ACOT11: variants seen among roughly 807,000 people sequenced by gnomAD.
ACOT11 encodes acyl-CoA thioesterase 11, also known as acyl-coenzyme A thioesterase 11.
In ACOT11, 69 loss-of-function variants were observed where a neutral mutation model predicts 77.5. The ratio of observed to expected loss-of-function variants is 0.89; its 90% confidence interval spans 0.73 to 1.09. The LOEUF is 1.09. Among genes scored for constraint, ACOT11 ranks in the 50% least tolerant of loss-of-function variants. The pLI is 0.00. For missense variants in ACOT11, 766 were observed against 813.7 expected (o/e 0.94, Z 0.71); for synonymous variants, 279 against 313.0 (o/e 0.89, Z 1.15).
At chr1:54,579,638 G>A (rs114205182) in intron 1 of ACOT11, among the ~76,000 whole-genome samples, 1,695 of 152,300 alleles carry the variant, frequency 0.011, 25 homozygotes, top group Non-Finnish European at 0.017. Flanking sequence ...CAGACAATGG[G>A]GCCTTTCATG....
downstream of ACOT11, chr1:54,612,751 C>A: frequency 6.7e-7 from 1 of 1,489,330 alleles, no homozygotes; most frequent in African/African-American, 1.4e-5. Context: ...GGAGCTGCAG[C>A]GGCCCCTTCC....
At chr1:54,614,840 C>T (rs780188651), downstream of ACOT11, 15 of 1,613,762 alleles carry the variant, frequency 9.3e-6, no homozygotes, top group South Asian at 8.8e-5. Context: ...CCTTGATGTT[C>T]TTGAAGTCCA....
At chr1:54,619,886 T>A in intron 15 of ACOT11, 5 of 1,614,146 alleles carry the variant, frequency 3.1e-6, no homozygotes, top group Non-Finnish European at 3.4e-6. Flanking sequence ...CTGTCATGGC[T>A]TTCTTGCTGT....
At chr1:54,614,851 G>A (rs79099402), downstream of ACOT11, 570 of 1,613,704 alleles carry the variant, frequency 3.5e-4, 6 homozygotes, top group East Asian at 0.012. Context: ...TTGAAGTCCA[G>A]TTTGATGCCT....
At position 54,584,963 on chromosome 1, in the gene ACOT11, T is replaced by C; in HGVS notation, c.241+101T>C. 2 of 1,278,664 alleles carry C rather than the reference T, an allele frequency of 1.6e-6. No homozygotes were observed. Among genetic ancestry groups the C allele is most frequent in the Non-Finnish European group, 2.1e-6 (2 of 932,630 alleles). 79.2% of individuals were successfully genotyped at this position (1,278,664 alleles called of 1,614,324 possible). A position where few individuals can be genotyped will look rare whatever the true frequency, so the allele number is the denominator to read the frequency against. The stretch of plus-strand genomic sequence containing the variant: ...CCGTCCACCCTAAGTGCCACACTTG[T>C]TTCTCATCTTGGCCTTTGCTCATGC... On this transcript the variant is annotated intron_variant, in intron 2 of 15. Coordinates refer to ENST00000343744, the MANE Select transcript of ACOT11 (RefSeq NM_147161.4). This position sits in a 1 kb window ranked among gnomAD's most constrained non-coding sequence, Gnocchi z 6.3.
chr1:54,631,017 G>A (rs1644296850), intron 16 of ACOT11: 2 of 440,622 alleles, frequency 4.5e-6, no homozygotes, highest in African/African-American at 2.0e-5. Flanking sequence ...TAACAGAAGA[G>A]GTTACAGAGC....
At position 54,584,913 on chromosome 1, in the gene ACOT11, G is replaced by C; in HGVS notation, c.241+51G>C. ...CTACCTGCCCCACAGGCCCAGAGCAGGGGCCGTGCTTTCAGAGATGGTCAC... is the reference window on the plus strand; with the variant it reads ...CTACCTGCCCCACAGGCCCAGAGCACGGGCCGTGCTTTCAGAGATGGTCAC... On this transcript the variant is annotated intron_variant, in intron 2 of 15. Coordinates refer to ENST00000343744, the MANE Select transcript of ACOT11 (RefSeq NM_147161.4). This position sits in a 1 kb window ranked among gnomAD's most constrained non-coding sequence, Gnocchi z 6.3. 6.5e-7 allele frequency: 1 copy of C among 1,545,718 alleles called. No individual in the cohort carries two copies.
intron 13 of ACOT11, 121 bp downstream of exon 13, chr1:54,605,330 G>C: frequency 4.9e-6 from 7 of 1,430,834 alleles, no homozygotes; most frequent in Non-Finnish European, 6.5e-6. Flanking sequence ...GGGTGGGTTG[G>C]AGTTCCATGC....
In ACOT11 at chr1:54,629,214, T is replaced by C. The variant is rs1436671782; in HGVS notation, c.1630-1520T>C. 3.0e-5 allele frequency among the ~76,000 whole-genome samples: 4 copies of C among 134,416 alleles called. 2 individuals are homozygous for C. Among genetic ancestry groups the C allele is most frequent in the Middle Eastern group, 8.4e-3 (2 of 238 alleles). 88.2% of individuals were successfully genotyped at this position (134,416 alleles called of 152,430 possible). A position where few individuals can be genotyped will look rare whatever the true frequency, so the allele number is the denominator to read the frequency against. On this transcript the variant is annotated intron_variant, in intron 15 of 16. Coordinates refer to the ACOT11 transcript ENST00000371316. ...CATGGGTGAAAACCAAGAGATGATG[T>C]AAACAGCAGAATCAGACCCACAAAG... is the stretch of plus-strand genomic sequence containing the variant.
Position 54,609,511 on chromosome 1 carries a change from C to T in ACOT11, c.*399C>T, listed in dbSNP as rs1644085244. On this transcript the variant is annotated 3_prime_UTR_variant, in exon 16 of 16. Coordinates refer to ENST00000343744, the MANE Select transcript of ACOT11 (RefSeq NM_147161.4). ...CCTGCATCTGGAAGGACACAGGTTG[C>T]CAGAGCCCCTGGCACAACTCTAGCA... The T allele has an allele frequency of 1.2e-6, 2 of 1,612,930 alleles. No individual in the cohort carries two copies. The highest frequency in any genetic ancestry group is 1.7e-5 in the Admixed American group (1 of 60,004).
At chr1:54,565,012 G>A (rs1653687018) in intron 1 of ACOT11, among the ~76,000 whole-genome samples, 1 of 152,178 alleles carries the variant, frequency 6.6e-6, no homozygotes, top group Non-Finnish European at 1.5e-5. Context: ...CCTTTCTGAA[G>A]AGAGTCCAAG....
intron 15 of ACOT11, chr1:54,623,673 G>A: frequency 3.1e-6 from 1 of 320,720 alleles, no homozygotes; most frequent in Non-Finnish European, 5.8e-6. Context: ...ACAGTAAGAG[G>A]CAGCAGAGAA....
At position 54,601,151 on chromosome 1, in the gene ACOT11, G is replaced by GTGCA; in HGVS notation, c.885-111_885-108dup. 3 of 1,171,920 alleles carry GTGCA rather than the reference G, an allele frequency of 2.6e-6. No individual in the cohort carries two copies. In the East Asian group the frequency reaches 7.2e-5, roughly 28 times the overall value. The allele number at this position is 1,171,920 out of a possible 1,614,324, so 72.6% of individuals were successfully genotyped here. A position where few individuals can be genotyped will look rare whatever the true frequency, so the allele number is the denominator to read the frequency against. ...TATGTGTGTGCATACGTGTGTGTGTGTGCATGCATGTGTGTGGGCGCATGT... is the reference window on the plus strand; with the variant it reads ...TATGTGTGTGCATACGTGTGTGTGTGTGCATGCATGCATGTGTGTGGGCGCATGT... On this transcript the variant is annotated intron_variant, in intron 8 of 15. Transcript: ENST00000343744.
intron 1 of ACOT11, among the ~76,000 whole-genome samples, chr1:54,549,799 G>C (rs964126939): frequency 2.0e-5 from 3 of 152,244 alleles, no homozygotes; most frequent in Non-Finnish European, 2.9e-5. Flanking sequence ...CTGAGTAGCA[G>C]GGCCGCTTGC....
rs769433160 is a variant in ACOT11 at position 54,608,045 on chromosome 1, C to T, written c.1606C>T (p.Arg536Cys). Residue 536 changes from arginine to cysteine, a missense_variant, in exon 15 of 16, where the codon CGC (arginine) becomes TGC (cysteine). Arg to Cys is a radical substitution (Grantham distance 180). Coordinates refer to ENST00000343744, the MANE Select transcript of ACOT11 (RefSeq NM_147161.4). ...CCTCTGCTCAGGCTTCTGCCTCTGG[C>T]GCGAGGGGGACCAGCTGACCAAGGT... is the stretch of plus-strand genomic sequence containing the variant. ...ETLCSGFCLW[R>C]EGDQLTKVSY... 6.8e-6 allele frequency: 11 copies of T among 1,612,178 alleles called. No homozygotes were observed. Among genetic ancestry groups the T allele is most frequent in the Non-Finnish European group, 9.3e-6 (11 of 1,179,370 alleles).
intron 1 of ACOT11, among the ~76,000 whole-genome samples, chr1:54,550,939 A>G (rs1653042415): frequency 6.6e-6 from 1 of 151,934 alleles, no homozygotes; most frequent in South Asian, 2.1e-4. Context: ...CAGGAGTTCG[A>G]GACCAGCTCG....
At chr1:54,626,998 A>C (rs1387733632) in intron 15 of ACOT11, among the ~76,000 whole-genome samples, 1 of 134,226 alleles carries the variant, frequency 7.5e-6, no homozygotes, top group Non-Finnish European at 1.7e-5. Flanking sequence ...CTGGGATTAC[A>C]GGTGCGCACC....
rs78584068 is a variant in ACOT11 at position 54,623,995 on chromosome 1, A to T, written c.1630-6739A>T. On this transcript the variant is annotated intron_variant, in intron 15 of 16. Coordinates refer to the ACOT11 transcript ENST00000371316. ...CATCTGAGATTATGGTTAACAGATT[A>T]TCTACCTGGGATAGAAATGGATAGT... 4.1e-3 allele frequency among the ~76,000 whole-genome samples: 627 copies of T among 152,316 alleles called. 6 individuals are homozygous for T. The highest frequency in any genetic ancestry group is 0.014 in the Middle Eastern group (4 of 294).
At chr1:54,619,853 G>A in intron 15 of ACOT11, 1 of 1,613,478 alleles carries the variant, frequency 6.2e-7, no homozygotes, top group South Asian at 1.1e-5. Context: ...AGTCTTGGCA[G>A]CTGGACTTAC....
Sources: allele counts gnomAD v4.1 joint callset (sites outside exome capture counted in the v4.1 genomes callset), GRCh38; gene constraint gnomAD v4.1.1; non-coding constraint Gnocchi (gnomAD v3.1); transcripts MANE v1.5; gene names NCBI Gene and HGNC (gene_info 2026-07-23, HGNC 2026-07-21).